Variants in RTN4 observed in about 807,000 individuals in gnomAD.
RTN4 encodes reticulon 4, also known as reticulon-4.
RTN4 carries 32 observed loss-of-function variants against 90.4 expected under a neutral mutation model. The observed-to-expected ratio is 0.35, with a 90% confidence interval of 0.27 to 0.48. RTN4 has a LOEUF of 0.48. RTN4 is among the 20% of genes least tolerant of loss of function. The probability of loss-of-function intolerance (pLI) is 0.99; values close to 1 mark genes in which losing one functional copy is unlikely to be tolerated. For missense variants in RTN4, 1,706 were observed against 1,430.2 expected, an observed-to-expected ratio of 1.19 and a Z score of -3.11; for synonymous variants, 629 against 552.5, an observed-to-expected ratio of 1.14 and a Z score of -1.94.
upstream of RTN4, among the ~76,000 whole-genome samples, chr2:55,052,641 A>G (rs987749911): frequency 1.3e-5 from 2 of 152,222 alleles, no homozygotes; most frequent in African/African-American, 4.8e-5. Flanking sequence ...TAAACAAAAC[A>G]AATTTCTACA....
chr2:55,031,705 T>C (rs1270448266), intron 1 of RTN4, among the ~76,000 whole-genome samples: 2 of 152,222 alleles, frequency 1.3e-5, no homozygotes, highest in South Asian at 2.1e-4. Context: ...CCATGGCTCA[T>C]GAGCCCATAT....
intron 1 of RTN4, among the ~76,000 whole-genome samples, chr2:55,100,482 T>A (rs1008536933): frequency 2.0e-5 from 3 of 152,080 alleles, no homozygotes; most frequent in Non-Finnish European, 2.9e-5. Flanking sequence ...TTTCGTCAGG[T>A]TCGAGGAGTT....
chr2:55,072,332 C>T (rs997873300), intron 2 of RTN4, among the ~76,000 whole-genome samples: 11 of 152,110 alleles, frequency 7.2e-5, no homozygotes, highest in Admixed American at 3.3e-4. Context: ...CGTGTTCACG[C>T]CATTCTCCTG....
intron 3 of RTN4, among the ~76,000 whole-genome samples, chr2:54,998,671 CATT>C (rs1679632203): frequency 6.6e-6 from 1 of 152,146 alleles, no homozygotes; most frequent in Non-Finnish European, 1.5e-5. Flanking sequence ...TTACCTACAT[CATT>C]AATGCTTGCT....
chr2:54,987,683 T>C lies in RTN4; in HGVS notation c.3029A>G (p.Tyr1010Cys). 6.2e-7 allele frequency: 1 copy of C among 1,613,366 alleles called. No homozygotes were observed. The highest frequency in any genetic ancestry group is 1.3e-5 in the African/African-American group (1 of 75,026). ...TCCAGTCTTCTTAATGTCTCTCCAG[T>C]ACAGGAGGTCAACAACTAAAAATTG... Reference protein sequence around the residue: ...LSKTSVVDLLYWRDIKKTGVV... With the variant: ...LSKTSVVDLLCWRDIKKTGVV... Residue 1010 changes from tyrosine to cysteine, a missense_variant, in exon 4 of 9, where the codon TAC (tyrosine) becomes TGC (cysteine). Transcript: ENST00000337526.
At chr2:55,006,187 AC>A (rs1680210386) in intron 3 of RTN4, among the ~76,000 whole-genome samples, 1 of 152,142 alleles carries the variant, frequency 6.6e-6, no homozygotes, top group African/African-American at 2.4e-5. Context: ...TGTGAGTTTT[AC>A]TCTTCTACTT....
chr2:55,085,831 C>T (rs1005056790), intron 1 of RTN4, among the ~76,000 whole-genome samples: 3 of 152,194 alleles, frequency 2.0e-5, no homozygotes, highest in African/African-American at 7.2e-5. Context: ...AATATAATCT[C>T]GCTGCACATT....
chr2:55,106,217 T>A (rs1667940607), intron 1 of RTN4, among the ~76,000 whole-genome samples: 1 of 152,232 alleles, frequency 6.6e-6, no homozygotes, highest in South Asian at 2.1e-4. Context: ...AAATCCTTCC[T>A]CATCTGTAGT....
chr2:55,031,943 C>T (rs936535356), intron 1 of RTN4, among the ~76,000 whole-genome samples: 4 of 152,040 alleles, frequency 2.6e-5, no homozygotes, highest in African/African-American at 9.7e-5. Flanking sequence ...TAACTGCCTG[C>T]CAGAACAAAG....
At position 55,027,459 on chromosome 2, in the gene RTN4, C is replaced by G; in HGVS notation, c.640G>C (p.Gly214Arg). 1 of 1,609,120 alleles carries G rather than the reference C, an allele frequency of 6.2e-7. No individual in the cohort carries two copies. Among genetic ancestry groups the G allele is most frequent in the Non-Finnish European group, 8.5e-7 (1 of 1,177,878 alleles). ...AENMDLKEQP[G>R]NTISAGQEDF... ...TCTTGACCAGCCGAAATAGTGTTAC[C>G]TGGCTGCTCCTTCAAGTCCATATTT... The change falls in exon 3 of 9, where the codon GGT becomes CGT. Residue 214 changes from glycine to arginine, a missense_variant. By Grantham distance (125) the Gly-to-Arg change is moderately radical. Transcript: ENST00000337526.
At chr2:55,122,673 T>A in the RTN4 span, among the ~76,000 whole-genome samples, 1 of 152,190 alleles carries the variant, frequency 6.6e-6, no homozygotes, top group East Asian at 1.9e-4. Context: ...GAAACAGAGC[T>A]GAGCCCAGAT....
intron 1 of RTN4, among the ~76,000 whole-genome samples, chr2:55,039,492 T>C (rs1371373391): frequency 2.0e-5 from 3 of 152,152 alleles, no homozygotes; most frequent in African/African-American, 7.2e-5. Flanking sequence ...ATTCAGTAAA[T>C]AATAGTCAAT....
upstream of RTN4, among the ~76,000 whole-genome samples, chr2:55,055,724 C>T (rs1573486313): frequency 1.3e-5 from 2 of 150,854 alleles, no homozygotes; most frequent in Admixed American, 1.3e-4. Context: ...GAGCAGAGAT[C>T]GCGCCACTGC....
At chr2:55,014,407 A>T (rs1260429173) in intron 3 of RTN4, 1 of 152,174 alleles carries the variant, frequency 6.6e-6, no homozygotes, top group African/African-American at 2.4e-5. Flanking sequence ...ATTTTTAAAA[A>T]TTTTTTATAT....
chr2:55,112,677 C>T (rs921849813), upstream of RTN4: 1 of 152,378 alleles, frequency 6.6e-6, no homozygotes, highest in Non-Finnish European at 1.5e-5. Flanking sequence ...CTCCCAGCCC[C>T]GCCTTGCGGC....
At chr2:55,066,667 C>T (rs1221501944) in intron 2 of RTN4, among the ~76,000 whole-genome samples, 1 of 151,644 alleles carries the variant, frequency 6.6e-6, no homozygotes, top group East Asian at 1.9e-4. Flanking sequence ...GCACTCCAGC[C>T]TGGGTAACAG....
the RTN4 span, among the ~76,000 whole-genome samples, chr2:55,123,746 C>T: frequency 1.2e-3 from 177 of 151,846 alleles, no homozygotes; most frequent in Non-Finnish European, 2.0e-3. Flanking sequence ...ATGCCTATTA[C>T]GTTTATAAGT....
intron 5 of RTN4, among the ~76,000 whole-genome samples, chr2:54,978,435 A>AC (rs1677841512): frequency 6.9e-6 from 1 of 144,236 alleles, no homozygotes; most frequent in South Asian, 2.2e-4. Flanking sequence ...TATCTCCAAA[A>AC]AAAAAAAAAA....
At chr2:55,113,221 G>C (rs1248513119), upstream of RTN4, among the ~76,000 whole-genome samples, 3 of 152,236 alleles carry the variant, frequency 2.0e-5, no homozygotes, top group Non-Finnish European at 4.4e-5. Flanking sequence ...GGTAAGCAGT[G>C]CAGTCCAAGG....
Sources: allele counts gnomAD v4.1 joint callset (sites outside exome capture counted in the v4.1 genomes callset), GRCh38; gene constraint gnomAD v4.1.1; transcripts MANE v1.5; gene names NCBI Gene and HGNC (gene_info 2026-07-23, HGNC 2026-07-21).